FBXL17: variants seen among roughly 807,000 people sequenced by gnomAD.
FBXL17 encodes F-box and leucine rich repeat protein 17, also known as F-box/LRR-repeat protein 17.
Under a neutral mutation model 66.2 loss-of-function variants are expected in FBXL17, and 22 were observed. That is an observed-to-expected ratio of 0.33 (90% confidence interval 0.24 to 0.47). The LOEUF (loss-of-function observed/expected upper bound fraction) is 0.47. FBXL17 is among the 20% of genes least tolerant of loss of function. The pLI, the probability that FBXL17 is intolerant of heterozygous loss-of-function variation, is 1.00. For missense variants in FBXL17, 878 were observed against 948.2 expected (o/e 0.93, Z 0.97); for synonymous variants, 474 against 400.5 (o/e 1.18, Z -2.19).
At chr5:108,062,157 T>C (rs1030974623) in intron 6 of FBXL17, among the ~76,000 whole-genome samples, 34 of 152,240 alleles carry the variant, frequency 2.2e-4, no homozygotes, top group African/African-American at 6.3e-4. Flanking sequence ...TAATTTCGTA[T>C]GCTTTCCACT....
intron 4 of FBXL17, among the ~76,000 whole-genome samples, chr5:108,321,461 G>GA (rs1002701459): frequency 4.6e-5 from 7 of 151,424 alleles, no homozygotes; most frequent in South Asian, 2.1e-4. Flanking sequence ...TGTTTCACAT[G>GA]AAAAAAAATG....
chr5:108,050,538 G>A (rs1025810573), intron 6 of FBXL17, among the ~76,000 whole-genome samples: 3 of 151,904 alleles, frequency 2.0e-5, no homozygotes, highest in African/African-American at 7.3e-5. Flanking sequence ...GAATCTCTGG[G>A]GCCACAGCTA....
At chr5:108,193,900 T>C (rs1461906496) in intron 5 of FBXL17, among the ~76,000 whole-genome samples, 3 of 152,190 alleles carry the variant, frequency 2.0e-5, no homozygotes, top group African/African-American at 7.2e-5. Flanking sequence ...GCCATTCTCC[T>C]ACTAGATCTG....
At chr5:108,126,649 CTCTA>C (rs1409107686) in intron 6 of FBXL17, among the ~76,000 whole-genome samples, 40 of 79,782 alleles carry the variant, frequency 5.0e-4, no homozygotes, top group African/African-American at 1.5e-3. Flanking sequence ...CTCTCTCTCT[CTCTA>C]TATATATATA....
chr5:108,192,492 C>T (rs1459623652), intron 5 of FBXL17, among the ~76,000 whole-genome samples: 1 of 152,026 alleles, frequency 6.6e-6, no homozygotes, highest in African/African-American at 2.4e-5. Flanking sequence ...ATTGGTATGG[C>T]CATGTATGTA....
At chr5:108,203,096 A>T (rs1753966147) in intron 5 of FBXL17, among the ~76,000 whole-genome samples, 1 of 152,146 alleles carries the variant, frequency 6.6e-6, no homozygotes, top group South Asian at 2.1e-4. Context: ...AAATTATTGT[A>T]TCTTATGTTA....
chr5:107,942,270 G>C (rs947428362), intron 7 of FBXL17, among the ~76,000 whole-genome samples: 7 of 152,144 alleles, frequency 4.6e-5, no homozygotes, highest in Admixed American at 1.3e-4. Context: ...TGTCCTCTTA[G>C]AAAGTTCAGA....
intron 4 of FBXL17, among the ~76,000 whole-genome samples, chr5:108,244,417 A>C (rs1561485275): frequency 6.6e-6 from 1 of 152,108 alleles, no homozygotes; most frequent in African/African-American, 2.4e-5. Context: ...ACGTGACCTT[A>C]AGGAAGTTAT....
At chr5:107,862,777 T>C (rs1402510941) in intron 8 of FBXL17, among the ~76,000 whole-genome samples, 2 of 151,896 alleles carry the variant, frequency 1.3e-5, no homozygotes, top group African/African-American at 2.4e-5. Flanking sequence ...TGTCCATTAT[T>C]GGAAAAGATC....
chr5:108,327,021 T>A (rs1406607558), intron 4 of FBXL17, among the ~76,000 whole-genome samples: 1 of 152,246 alleles, frequency 6.6e-6, no homozygotes, highest in African/African-American at 2.4e-5. Flanking sequence ...GACTGGTTCA[T>A]GTATGTTCAC....
intron 4 of FBXL17, among the ~76,000 whole-genome samples, chr5:108,301,558 G>A (rs1388816332): frequency 6.6e-6 from 1 of 151,650 alleles, no homozygotes; most frequent in Non-Finnish European, 1.5e-5. Context: ...AATGAACTGT[G>A]GTTAACTTCT....
intron 7 of FBXL17, among the ~76,000 whole-genome samples, chr5:108,003,996 A>C (rs1006136311): frequency 1.4e-4 from 21 of 152,162 alleles, no homozygotes; most frequent in African/African-American, 4.6e-4. Flanking sequence ...GAACGTGATA[A>C]ATAAAAAGAA....
rs1747416957 is a variant in FBXL17, at chr5:108,348,396, T to C, written c.1506+3A>G. The C allele has an allele frequency of 1.5e-5, 24 of 1,610,998 alleles. No homozygotes were observed. Among genetic ancestry groups the C allele is most frequent in the Non-Finnish European group, 1.9e-5 (22 of 1,177,654 alleles). ...CAATACAAGGATGATAACAAGTACT[T>C]ACTAATTTGTTTTCCTGCATGTATA... On this transcript the variant is annotated splice_donor_region_variant and intron_variant, in intron 4 of 8. Transcript: ENST00000542267.
intron 4 of FBXL17, among the ~76,000 whole-genome samples, chr5:108,343,239 T>C (rs974836793): frequency 6.6e-6 from 1 of 152,172 alleles, no homozygotes; most frequent in Non-Finnish European, 1.5e-5. Flanking sequence ...AAGACAACAA[T>C]AAGATGATGT....
intron 1 of FBXL17, among the ~76,000 whole-genome samples, chr5:108,375,572 G>C (rs1472335109): frequency 6.6e-6 from 1 of 151,956 alleles, no homozygotes; most frequent in African/African-American, 2.4e-5. Flanking sequence ...TATAAAAACT[G>C]ACTCAAAGGA....
intron 6 of FBXL17, among the ~76,000 whole-genome samples, chr5:108,126,649 C>CTATA (rs1446212605): frequency 0.02 from 1,601 of 79,682 alleles, 28 homozygotes; most frequent in African/African-American, 0.062. Flanking sequence ...CTCTCTCTCT[C>CTATA]TCTATATATA....
chr5:107,972,052 C>T (rs566312242), intron 7 of FBXL17, among the ~76,000 whole-genome samples: 7 of 152,278 alleles, frequency 4.6e-5, no homozygotes, highest in Non-Finnish European at 7.4e-5. Context: ...GCACAGTGTT[C>T]GCAGAGTGGA....
Position 108,298,266 on chromosome 5 carries a change from CTAT to C in FBXL17, c.1506+50130_1506+50132del, listed in dbSNP as rs1758431289. On this transcript the variant is annotated intron_variant, in intron 4 of 8. Transcript: ENST00000542267. ...ATAGTCTTCTTGCTACTTCTTACTA[CTAT>C]GTGAACAAGACACACAGAATTTGGC... The C allele has an allele frequency of 4.1e-6, 4 of 984,588 alleles. No homozygotes were observed. The South Asian group carries it at 1.9e-4, about 46-fold the overall frequency. 61.0% of individuals were successfully genotyped at this position (984,588 alleles called of 1,614,324 possible).
intron 4 of FBXL17, among the ~76,000 whole-genome samples, chr5:108,339,461 A>G (rs1184813988): frequency 6.6e-6 from 1 of 152,152 alleles, no homozygotes; most frequent in African/African-American, 2.4e-5. Context: ...CCAACACTTG[A>G]GCACAAAGCC....
Sources: gnomAD v4.1 joint callset for allele counts (sites outside exome capture counted in the v4.1 genomes callset) on GRCh38, gnomAD v4.1.1 for gene constraint, MANE v1.5 for transcripts, NCBI Gene and HGNC (gene_info 2026-07-23, HGNC 2026-07-21) for gene names.